CCDC91: variants seen among roughly 807,000 people sequenced by gnomAD.
CCDC91 encodes coiled-coil domain containing 91, also known as coiled-coil domain-containing protein 91.
CCDC91 carries 48 observed loss-of-function variants against 63.2 expected under a neutral mutation model. That is an observed-to-expected ratio of 0.76 (90% CI 0.60 to 0.97). The LOEUF (loss-of-function observed/expected upper bound fraction) is 0.97. CCDC91 is among the 50% of genes least tolerant of loss of function. CCDC91 has a pLI of 0.00. For missense variants in CCDC91, 500 were observed against 494.6 expected (o/e 1.01, Z -0.10); for synonymous variants, 167 against 165.8 (o/e 1.01, Z -0.06).
At chr12:28,478,868 A>C (rs1951274597) in intron 11 of CCDC91, among the ~76,000 whole-genome samples, 1 of 152,210 alleles carries the variant, frequency 6.6e-6, no homozygotes, top group African/African-American at 2.4e-5. Context: ...AAAAATGCTC[A>C]TCATCACTGG....
intron 7 of CCDC91, among the ~76,000 whole-genome samples, chr12:28,366,512 A>T (rs1395769961): frequency 4.6e-5 from 7 of 152,204 alleles, no homozygotes; most frequent in Admixed American, 2.6e-4. Context: ...TTTCACTTTT[A>T]TCAGCTTATA....
At chr12:28,369,884 T>C (rs534690143) in intron 7 of CCDC91, among the ~76,000 whole-genome samples, 1 of 152,310 alleles carries the variant, frequency 6.6e-6, no homozygotes, top group African/African-American at 2.4e-5. Context: ...CAGCTAGAGC[T>C]GGAGTAGCTG....
intron 1 of CCDC91, among the ~76,000 whole-genome samples, chr12:28,252,704 T>C (rs1474767378): frequency 1.3e-5 from 2 of 152,136 alleles, no homozygotes; most frequent in Non-Finnish European, 2.9e-5. Context: ...GGATAGTCTT[T>C]GTTTATTTCA....
chr12:28,543,304 A>T (rs1332997083), intron 12 of CCDC91, among the ~76,000 whole-genome samples: 1 of 152,126 alleles, frequency 6.6e-6, no homozygotes, highest in East Asian at 1.9e-4. Flanking sequence ...AATTCAACCC[A>T]TTACAATAAT....
intron 1 of CCDC91, among the ~76,000 whole-genome samples, chr12:28,201,096 C>T (rs1228165456): frequency 6.6e-6 from 1 of 150,562 alleles, no homozygotes; most frequent in Non-Finnish European, 1.5e-5. Flanking sequence ...GCGCCCCTCA[C>T]CTCCCGGACG....
intron 12 of CCDC91, among the ~76,000 whole-genome samples, chr12:28,526,415 G>A (rs1941268312): frequency 2.0e-5 from 3 of 152,190 alleles, no homozygotes; most frequent in Non-Finnish European, 4.4e-5. Context: ...TTTGTTTGAG[G>A]AGGCTAAAGA....
At chr12:28,254,381 T>C (rs553058982) in intron 1 of CCDC91, among the ~76,000 whole-genome samples, 61 of 152,348 alleles carry the variant, frequency 4.0e-4, no homozygotes, top group African/African-American at 1.3e-3. Context: ...TACATTCTTA[T>C]AATATTTGTA....
chr12:28,263,448 G>T (rs1286510325), intron 3 of CCDC91, among the ~76,000 whole-genome samples: 2 of 151,792 alleles, frequency 1.3e-5, no homozygotes, highest in African/African-American at 2.4e-5. Flanking sequence ...TACAGTATTT[G>T]TCATTTTGTA....
At chr12:28,369,183 T>C (rs553049494) in intron 7 of CCDC91, among the ~76,000 whole-genome samples, 22 of 152,316 alleles carry the variant, frequency 1.4e-4, no homozygotes, top group African/African-American at 5.1e-4. Flanking sequence ...CATATCACTT[T>C]TGCCTATGAG....
chr12:28,443,325 G>T (rs1174947267), intron 8 of CCDC91, among the ~76,000 whole-genome samples: 1 of 151,174 alleles, frequency 6.6e-6, no homozygotes, highest in African/African-American at 2.4e-5. Flanking sequence ...TGCTGCCCTC[G>T]ACCTCTTTTC....
chr12:28,532,106 A>T (rs1409409261), intron 12 of CCDC91, among the ~76,000 whole-genome samples: 5 of 152,122 alleles, frequency 3.3e-5, no homozygotes, highest in Non-Finnish European at 7.4e-5. Flanking sequence ...AGAGGGCACA[A>T]CATATACAAA....
chr12:28,433,421 G>GT (rs1232395353), intron 8 of CCDC91, among the ~76,000 whole-genome samples: 5 of 151,948 alleles, frequency 3.3e-5, no homozygotes, highest in Non-Finnish European at 5.9e-5. Flanking sequence ...TCTAGATATA[G>GT]TTTTTTGCGT....
intron 3 of CCDC91, among the ~76,000 whole-genome samples, chr12:28,286,268 A>G (rs1388122061): frequency 1.3e-5 from 2 of 152,152 alleles, no homozygotes; most frequent in East Asian, 3.8e-4. Flanking sequence ...TTATATAAGT[A>G]AACCTGTGCC....
chr12:28,273,944 G>T (rs1039138471), intron 3 of CCDC91, among the ~76,000 whole-genome samples: 1 of 152,108 alleles, frequency 6.6e-6, no homozygotes, highest in African/African-American at 2.4e-5. Flanking sequence ...GTATTGCCTA[G>T]GTTTTCTTCT....
intron 3 of CCDC91, among the ~76,000 whole-genome samples, chr12:28,282,934 T>C (rs1268581266): frequency 6.6e-6 from 1 of 152,086 alleles, no homozygotes; most frequent in East Asian, 1.9e-4. Flanking sequence ...GGTTATCCAA[T>C]TTTCCCAGTA....
intron 1 of CCDC91, among the ~76,000 whole-genome samples, chr12:28,195,444 C>T (rs371486664): frequency 7.1e-6 from 1 of 140,154 alleles, no homozygotes; most frequent in Non-Finnish European, 1.6e-5. Flanking sequence ...CCTCTCATTA[C>T]TATCTTTTCT....
intron 1 of CCDC91, among the ~76,000 whole-genome samples, chr12:28,252,007 T>C (rs986593656): frequency 3.3e-5 from 5 of 152,284 alleles, no homozygotes; most frequent in Admixed American, 2.6e-4. Context: ...ACTTTACAGG[T>C]GTGAACATGA....
chr12:28,270,475 A>G (rs1011063520), intron 3 of CCDC91, among the ~76,000 whole-genome samples: 4 of 152,136 alleles, frequency 2.6e-5, no homozygotes, highest in African/African-American at 9.7e-5. Context: ...TACTGTAATC[A>G]AATATTACAC....
At chr12:28,281,800 G>GT (rs1446556432) in intron 3 of CCDC91, among the ~76,000 whole-genome samples, 1 of 152,086 alleles carries the variant, frequency 6.6e-6, no homozygotes, top group East Asian at 1.9e-4. Flanking sequence ...TGTTTTTGCA[G>GT]TTTTGTAAGT....
Sources: gnomAD v4.1 joint callset for allele counts (sites outside exome capture counted in the v4.1 genomes callset) on GRCh38, gnomAD v4.1.1 for gene constraint, MANE v1.5 for transcripts, NCBI Gene and HGNC (gene_info 2026-07-23, HGNC 2026-07-21) for gene names.